MAGI3: variants seen among roughly 807,000 people sequenced by gnomAD.
MAGI3 encodes the protein membrane associated guanylate kinase, WW and PDZ domain containing 3, also known as membrane-associated guanylate kinase, WW and PDZ domain-containing protein 3.
MAGI3 carries 43 observed loss-of-function variants against 121.8 expected under a neutral mutation model. That is an observed-to-expected ratio of 0.35 (90% confidence interval 0.28 to 0.46). The LOEUF is 0.46. Among genes scored for constraint, MAGI3 ranks in the 20% least tolerant of loss-of-function variants. MAGI3 has a pLI of 1.00. For synonymous variants in MAGI3, 553 were observed against 639.3 expected (o/e 0.86, Z 2.04); for missense variants, 1,547 against 1,797.3 (o/e 0.86, Z 2.52).
intron 1 of MAGI3, among the ~76,000 whole-genome samples, chr1:113,398,971 C>T (rs751385343): frequency 3.3e-5 from 5 of 151,990 alleles, no homozygotes; most frequent in Admixed American, 6.6e-5. Context: ...GTGACAGAAA[C>T]GCTGTTGAGA....
chr1:113,543,282 G>T (rs1659372966), intron 1 of MAGI3, among the ~76,000 whole-genome samples: 2 of 152,058 alleles, frequency 1.3e-5, no homozygotes, highest in African/African-American at 4.8e-5. Context: ...GTTTTAAAAT[G>T]TTAATAAATA....
At chr1:113,412,335 G>A (rs866698869) in intron 1 of MAGI3, among the ~76,000 whole-genome samples, 2 of 152,026 alleles carry the variant, frequency 1.3e-5, no homozygotes, top group African/African-American at 2.4e-5. Context: ...ATAAACATAC[G>A]TGTGCATGTC....
intron 16 of MAGI3, among the ~76,000 whole-genome samples, chr1:113,670,003 CAAAAA>C (rs11302295): frequency 1.2e-5 from 1 of 85,240 alleles, no homozygotes; most frequent in Non-Finnish European, 2.3e-5. Flanking sequence ...TCCAGGTCTC[CAAAAA>C]AAAAAAAAAA....
chr1:113,570,662 A>G (rs1647239470), intron 2 of MAGI3, among the ~76,000 whole-genome samples: 3 of 151,980 alleles, frequency 2.0e-5, no homozygotes, highest in Admixed American at 2.0e-4. Flanking sequence ...GCTTTTTTTC[A>G]TATGTTTGTT....
At chr1:113,596,518 T>C (rs1343593725) in intron 6 of MAGI3, among the ~76,000 whole-genome samples, 6 of 152,168 alleles carry the variant, frequency 3.9e-5, no homozygotes, top group Non-Finnish European at 8.8e-5. Flanking sequence ...TAAAATTCTC[T>C]TCATCAGAAG....
chr1:113,448,978 C>T (rs554056022), intron 1 of MAGI3, among the ~76,000 whole-genome samples: 10 of 151,852 alleles, frequency 6.6e-5, no homozygotes, highest in Non-Finnish European at 1.3e-4. Context: ...ATTAGCCCAG[C>T]GTGGTGGTGC....
At chr1:113,483,879 T>TC (rs768315394) in intron 1 of MAGI3, among the ~76,000 whole-genome samples, 9 of 152,150 alleles carry the variant, frequency 5.9e-5, no homozygotes, top group Non-Finnish European at 1.3e-4. Flanking sequence ...TTGTACTTTT[T>TC]CTCTCTAATG....
At chr1:113,635,402 C>T (rs1570973536) in intron 9 of MAGI3, among the ~76,000 whole-genome samples, 2 of 152,140 alleles carry the variant, frequency 1.3e-5, no homozygotes, top group South Asian at 4.1e-4. Context: ...TACGTCCCAT[C>T]AATACCTAAT....
chr1:113,619,463 G>T (rs1430370492), intron 7 of MAGI3, among the ~76,000 whole-genome samples: 1 of 152,142 alleles, frequency 6.6e-6, no homozygotes, highest in African/African-American at 2.4e-5. Flanking sequence ...GAAGGCTATA[G>T]TTTTGAAAAC....
intron 16 of MAGI3, among the ~76,000 whole-genome samples, chr1:113,669,180 T>G (rs1424814960): frequency 1.3e-5 from 2 of 152,170 alleles, no homozygotes; most frequent in Non-Finnish European, 2.9e-5. Flanking sequence ...CCGAAGACAA[T>G]CGAACTCTAT....
chr1:113,506,500 C>T (rs539675336), intron 1 of MAGI3, among the ~76,000 whole-genome samples: 100 of 151,536 alleles, frequency 6.6e-4, no homozygotes, highest in Non-Finnish European at 1.1e-3. Flanking sequence ...CCCTCAATGT[C>T]GTTCTGTTGT....
intron 1 of MAGI3, among the ~76,000 whole-genome samples, chr1:113,419,116 A>C (rs1240297686): frequency 6.6e-6 from 1 of 152,140 alleles, no homozygotes; most frequent in African/African-American, 2.4e-5. Context: ...TTTACATGAT[A>C]AGTAAAAGTA....
intron 1 of MAGI3, among the ~76,000 whole-genome samples, chr1:113,527,725 C>G (rs1658518627): frequency 6.6e-6 from 1 of 151,966 alleles, no homozygotes; most frequent in Non-Finnish European, 1.5e-5. Context: ...TTGGATCTGA[C>G]TTAAGGAAAA....
intron 9 of MAGI3, among the ~76,000 whole-genome samples, chr1:113,635,495 T>C (rs997041685): frequency 6.6e-6 from 1 of 152,232 alleles, no homozygotes; most frequent in African/African-American, 2.4e-5. Context: ...ATGTGGTTTT[T>C]GTCTTTGGTT....
intron 1 of MAGI3, among the ~76,000 whole-genome samples, chr1:113,435,894 G>A (rs945543682): frequency 6.6e-6 from 1 of 152,084 alleles, no homozygotes; most frequent in Non-Finnish European, 1.5e-5. Context: ...GCATGAGGCT[G>A]TAGCTCTTTC....
chr1:113,509,915 G>A (rs1387917253), intron 1 of MAGI3, among the ~76,000 whole-genome samples: 1 of 150,872 alleles, frequency 6.6e-6, no homozygotes, highest in Non-Finnish European at 1.5e-5. Context: ...GACAGAGTGC[G>A]CCTGCAGCAC....
At chr1:113,456,020 G>A (rs567753518) in intron 1 of MAGI3, among the ~76,000 whole-genome samples, 10 of 151,290 alleles carry the variant, frequency 6.6e-5, no homozygotes, top group South Asian at 2.1e-4. Context: ...GCATGATCTC[G>A]GCTCATTGCA....
chr1:113,585,666 C>T, intron 4 of MAGI3, 70 bp downstream of exon 4: 1 of 1,396,498 alleles, frequency 7.2e-7, no homozygotes, highest in Non-Finnish European at 9.8e-7. Flanking sequence ...GAATTAAAAG[C>T]ACTAAAATTT....
rs1658110956 is a variant in MAGI3 at position 113,520,218 on chromosome 1, G to A, written c.317-29297G>A. ...AATAAAAAACTGCATGTTACAAAAT[G>A]ATCACAATAGGAATGAATATATTGA... On this transcript the variant is annotated intron_variant, in intron 1 of 20. Transcript: ENST00000307546. Among the ~76,000 whole-genome samples, 3 of 151,748 alleles carry A rather than the reference G, an allele frequency of 2.0e-5. No homozygotes were observed. The South Asian group carries it at 6.2e-4, about 32-fold the overall frequency.
Sources: allele counts gnomAD v4.1 joint callset (sites outside exome capture counted in the v4.1 genomes callset), GRCh38; gene constraint gnomAD v4.1.1; transcripts MANE v1.5; gene names NCBI Gene and HGNC (gene_info 2026-07-23, HGNC 2026-07-21).